The following BRINP2 variants were observed in gnomAD, a reference collection of about 807,000 sequenced individuals.
BRINP2 encodes BMP/retinoic acid-inducible neural-specific protein 2.
In BRINP2, 21 loss-of-function variants were observed where a neutral mutation model predicts 69.2. The ratio of observed to expected loss-of-function variants is 0.30; its 90% confidence interval spans 0.22 to 0.44. The LOEUF (loss-of-function observed/expected upper bound fraction) is 0.44, where lower values mean the gene tolerates loss of function less well. Ranked by LOEUF, BRINP2 falls within the 20% of genes least tolerant of loss-of-function variation. The pLI is 1.00. For synonymous variants in BRINP2, 380 were observed against 394.1 expected (o/e 0.96, Z 0.42); for missense variants, 877 against 986.0 (o/e 0.89, Z 1.48).
intron 1 of BRINP2, among the ~76,000 whole-genome samples, chr1:177,202,768 C>T (rs887951138): frequency 1.3e-4 from 20 of 152,036 alleles, no homozygotes; most frequent in African/African-American, 3.9e-4. Flanking sequence ...AAATCGAAAC[C>T]GCAGTGAGAT....
At chr1:177,197,692 C>T (rs554853941) in intron 1 of BRINP2, among the ~76,000 whole-genome samples, 21 of 152,098 alleles carry the variant, frequency 1.4e-4, no homozygotes, top group South Asian at 4.2e-4. Context: ...GGCACCCAAG[C>T]CGACCAAGAT....
chr1:177,274,210 A>C (rs2102361190), intron 5 of BRINP2, among the ~76,000 whole-genome samples: 1 of 152,308 alleles, frequency 6.6e-6, no homozygotes, highest in Non-Finnish European at 1.5e-5. Flanking sequence ...AGGAAAGAAA[A>C]CCACACTAAC....
At chr1:177,174,516 C>T (rs1302686024) in intron 1 of BRINP2, among the ~76,000 whole-genome samples, 1 of 152,178 alleles carries the variant, frequency 6.6e-6, no homozygotes, top group African/African-American at 2.4e-5. Flanking sequence ...ATTCACAAGG[C>T]TGACCTAGTT....
intron 1 of BRINP2, among the ~76,000 whole-genome samples, chr1:177,182,969 CTTTTCTTTT>C (rs1407498014): frequency 6.7e-6 from 1 of 148,502 alleles, no homozygotes; most frequent in Non-Finnish European, 1.5e-5. Context: ...CTTTTTTTTT[CTTTTCTTTT>C]TTTTCTTTTT....
chr1:177,210,996 A>AT (rs1649206067), intron 1 of BRINP2, among the ~76,000 whole-genome samples: 4 of 140,918 alleles, frequency 2.8e-5, no homozygotes, highest in Non-Finnish European at 3.2e-5. Flanking sequence ...TATATATATT[A>AT]TGTATATATA....
intron 1 of BRINP2, among the ~76,000 whole-genome samples, chr1:177,215,276 T>G (rs1649342606): frequency 6.6e-6 from 1 of 152,230 alleles, no homozygotes; most frequent in Non-Finnish European, 1.5e-5. Flanking sequence ...TTGTTTTTTC[T>G]ATATCTATGA....
intron 4 of BRINP2, among the ~76,000 whole-genome samples, chr1:177,273,075 G>A (rs572706596): frequency 1.1e-4 from 16 of 152,252 alleles, no homozygotes; most frequent in Admixed American, 5.9e-4. Context: ...TTTAGGATCC[G>A]TAAAGTCTGT....
chr1:177,261,885 C>G lies in BRINP2; in HGVS notation c.669+4501C>G, dbSNP rs548586413. Among the ~76,000 whole-genome samples, 3 of 152,220 alleles carry G rather than the reference C, an allele frequency of 2.0e-5. No individual in the cohort carries two copies. In the South Asian group the frequency reaches 6.2e-4, roughly 32 times the overall value. ...GAACCAAAGCGGGCTCACAAAGCCA[C>G]GTGAAGAATGTTTTTCACAAAAGAA... On this transcript the variant is annotated intron_variant, in intron 4 of 7. Transcript: ENST00000361539.
At chr1:177,208,556 G>A (rs1040769155) in intron 1 of BRINP2, among the ~76,000 whole-genome samples, 2 of 152,192 alleles carry the variant, frequency 1.3e-5, no homozygotes, top group African/African-American at 4.8e-5. Flanking sequence ...AATCTGTAGA[G>A]AGTGTGCATT....
intron 1 of BRINP2, among the ~76,000 whole-genome samples, chr1:177,180,920 G>C (rs144215732): frequency 1.1e-4 from 17 of 152,170 alleles, no homozygotes; most frequent in African/African-American, 4.1e-4. Flanking sequence ...GTTCTCCCTC[G>C]TTCTCAGTAA....
At chr1:177,179,699 G>A (rs1648193292) in intron 1 of BRINP2, among the ~76,000 whole-genome samples, 1 of 152,176 alleles carries the variant, frequency 6.6e-6, no homozygotes, top group South Asian at 2.1e-4. Context: ...GTGACAGACA[G>A]AGGCATAGCA....
At chr1:177,194,757 G>A (rs1182240505) in intron 1 of BRINP2, among the ~76,000 whole-genome samples, 2 of 142,396 alleles carry the variant, frequency 1.4e-5, no homozygotes, top group African/African-American at 3.0e-5. Flanking sequence ...CTCTTAAGTG[G>A]CGAGGCTGTG....
chr1:177,190,798 T>A (rs1184191187), intron 1 of BRINP2, among the ~76,000 whole-genome samples: 1 of 152,196 alleles, frequency 6.6e-6, no homozygotes, highest in Non-Finnish European at 1.5e-5. Context: ...TCATTAGTTG[T>A]GTGATCGTGG....
intron 1 of BRINP2, among the ~76,000 whole-genome samples, chr1:177,193,536 G>A (rs1407747443): frequency 6.6e-6 from 1 of 152,158 alleles, no homozygotes; most frequent in Admixed American, 6.5e-5. Context: ...AGAACTTTCA[G>A]GAACCATATA....
At chr1:177,226,662 G>A (rs989937537) in intron 1 of BRINP2, among the ~76,000 whole-genome samples, 22 of 152,208 alleles carry the variant, frequency 1.4e-4, no homozygotes, top group African/African-American at 5.3e-4. Context: ...CCTCTGCTCA[G>A]GGTGTCACCA....
chr1:177,192,151 C>T (rs888658847), intron 1 of BRINP2, among the ~76,000 whole-genome samples: 2 of 152,176 alleles, frequency 1.3e-5, no homozygotes, highest in Non-Finnish European at 2.9e-5. Context: ...TATGAGCAGA[C>T]ATAATAGGGG....
chr1:177,200,482 T>C (rs1021672806), intron 1 of BRINP2, among the ~76,000 whole-genome samples: 3 of 151,890 alleles, frequency 2.0e-5, no homozygotes, highest in Admixed American at 2.0e-4. Context: ...CCTCCTGCTC[T>C]CCCACTCACT....
intron 2 of BRINP2, among the ~76,000 whole-genome samples, chr1:177,240,822 G>T (rs764045664): frequency 3.3e-5 from 5 of 152,156 alleles, no homozygotes; most frequent in African/African-American, 4.8e-5. Context: ...GGCCAATCAG[G>T]GCTAAGTGAT....
chr1:177,222,305 CT>C (rs1047306040), intron 1 of BRINP2, among the ~76,000 whole-genome samples: 12 of 152,036 alleles, frequency 7.9e-5, no homozygotes, highest in African/African-American at 2.7e-4. Flanking sequence ...GGCCAGACAC[CT>C]TTTTTTCTTT....
Sources: allele counts gnomAD v4.1 joint callset (sites outside exome capture counted in the v4.1 genomes callset), GRCh38; gene constraint gnomAD v4.1.1; transcripts MANE v1.5; gene names NCBI Gene and HGNC (gene_info 2026-07-23, HGNC 2026-07-21).